The following CNTN3 variants were observed in gnomAD, a reference collection of about 807,000 sequenced individuals.
CNTN3 encodes the protein contactin-3.
In CNTN3, 60 loss-of-function variants were observed where a neutral mutation model predicts 119.1. The observed-to-expected ratio is 0.50, with a 90% CI of 0.41 to 0.62. The LOEUF is 0.62. Ranked by LOEUF, CNTN3 falls within the 20% of genes least tolerant of loss-of-function variation. The pLI, the probability that CNTN3 is intolerant of heterozygous loss-of-function variation, is 0.00. For missense variants in CNTN3, 1,101 were observed against 1,242.4 expected (o/e 0.89, Z 1.71); for synonymous variants, 450 against 438.7 (o/e 1.03, Z -0.32).
intron 5 of CNTN3, among the ~76,000 whole-genome samples, chr3:74,383,785 C>T (rs115597622): frequency 1.2e-3 from 182 of 152,246 alleles, no homozygotes; most frequent in Middle Eastern, 0.01. Flanking sequence ...ACACCTGGCC[C>T]TTTTCATTTT....
intron 5 of CNTN3, among the ~76,000 whole-genome samples, chr3:74,389,109 A>AT (rs1704830193): frequency 6.6e-6 from 1 of 152,230 alleles, no homozygotes; most frequent in South Asian, 2.1e-4. Flanking sequence ...ATTAAAAACT[A>AT]CTGATCTTTA....
chr3:74,405,870 G>C (rs575673794), intron 5 of CNTN3, among the ~76,000 whole-genome samples: 86 of 152,086 alleles, frequency 5.7e-4, no homozygotes, highest in African/African-American at 2.0e-3. Context: ...ATAGATTCGT[G>C]GGTGACGTTC....
At chr3:74,443,489 C>A (rs1477413409) in intron 4 of CNTN3, among the ~76,000 whole-genome samples, 1 of 152,144 alleles carries the variant, frequency 6.6e-6, no homozygotes, top group East Asian at 1.9e-4. Context: ...TGGCTGCCCA[C>A]CAGCCTTAAG....
chr3:74,384,701 C>T (rs1704703678), intron 5 of CNTN3, among the ~76,000 whole-genome samples: 1 of 152,102 alleles, frequency 6.6e-6, no homozygotes, highest in South Asian at 2.1e-4. Context: ...CTGTCATTTA[C>T]ACTTTGGCAG....
chr3:74,501,858 T>A (rs1559635536), intron 2 of CNTN3, among the ~76,000 whole-genome samples: 1 of 151,930 alleles, frequency 6.6e-6, no homozygotes, highest in African/African-American at 2.4e-5. Context: ...GATTTTAAAA[T>A]TGCTACTAAC....
rs535294585 is a variant in CNTN3 at position 74,358,189 on chromosome 3, A to C, written c.1364+3701T>G. Among the ~76,000 whole-genome samples the C allele has an allele frequency of 9.1e-4, 138 of 152,328 alleles. 3 individuals are homozygous for C. The South Asian group carries it at 0.028, about 30-fold the overall frequency. On this transcript the variant is annotated intron_variant, in intron 11 of 22. Transcript: ENST00000263665. ...AAAACAAAATTCAAACCACAGATCT[A>C]AGGAGGATTGGAACACCATGGACCT... is the stretch of plus-strand genomic sequence containing the variant.
intron 5 of CNTN3, among the ~76,000 whole-genome samples, chr3:74,376,384 A>G (rs755742205): frequency 3.9e-5 from 6 of 152,142 alleles, no homozygotes; most frequent in Non-Finnish European, 7.4e-5. Flanking sequence ...TTACCTCCTG[A>G]GCTCTGCCTC....
chr3:74,521,251 A>G (rs1703538657), intron 1 of CNTN3, 59 bp from the exon 2 acceptor site: 2 of 436,560 alleles, frequency 4.6e-6, no homozygotes, highest in African/African-American at 2.1e-5. Flanking sequence ...TGCTTTAAAA[A>G]AGAGATTTTC....
At chr3:74,295,666 G>A (rs1702323697) in intron 18 of CNTN3, among the ~76,000 whole-genome samples, 1 of 152,182 alleles carries the variant, frequency 6.6e-6, no homozygotes, top group Non-Finnish European at 1.5e-5. Flanking sequence ...TAAACACTGA[G>A]TGAGTACCCT....
chr3:74,336,715 G>A, intron 11 of CNTN3, 57 bp from the exon 12 acceptor site: 5 of 1,357,488 alleles, frequency 3.7e-6, no homozygotes, highest in Admixed American at 2.1e-5. Flanking sequence ...TTTTCCAAAT[G>A]AATATACATA....
Position 74,298,063 on chromosome 3 carries a change from A to G in CNTN3, c.2295T>C (p.Asn765=), listed in dbSNP as rs750313291. The G allele has an allele frequency of 3.1e-6, 5 of 1,614,076 alleles. No individual in the cohort carries two copies. The highest frequency in any genetic ancestry group is 1.7e-5 in the Admixed American group (1 of 60,014). Residue 765 remains asparagine (N), a synonymous_variant, in exon 18 of 23, where the codon AAT becomes AAC. Coordinates refer to ENST00000263665, the MANE Select transcript of CNTN3 (RefSeq NM_020872.3). ...ATGGTGAATATGGCACGATGCTTTC[A>G]TTCCTAAAGACATATCTTGGGGTGT... ...SPDTPRYVFR[N]ESIVPYSPYE...
chr3:74,329,920 T>C (rs979415626), intron 13 of CNTN3, among the ~76,000 whole-genome samples: 1 of 152,134 alleles, frequency 6.6e-6, no homozygotes, highest in African/African-American at 2.4e-5. Flanking sequence ...GATATCTAGA[T>C]ACAGGCAAAA....
At chr3:74,327,817 T>C (rs1004045415) in intron 13 of CNTN3, among the ~76,000 whole-genome samples, 11 of 151,852 alleles carry the variant, frequency 7.2e-5, no homozygotes, top group African/African-American at 2.7e-4. Flanking sequence ...TGATAATTTA[T>C]ATTTCTGCAG....
At chr3:74,394,286 T>G (rs971540288) in intron 5 of CNTN3, among the ~76,000 whole-genome samples, 12 of 152,216 alleles carry the variant, frequency 7.9e-5, no homozygotes, top group Admixed American at 2.6e-4. Context: ...TAATATATAG[T>G]GAGTCTCAAT....
intron 5 of CNTN3, among the ~76,000 whole-genome samples, chr3:74,378,063 C>T (rs1704522507): frequency 6.6e-6 from 1 of 152,140 alleles, no homozygotes; most frequent in Admixed American, 6.5e-5. Flanking sequence ...GGAAGTCTGA[C>T]CTACTTTAAA....
At chr3:74,569,634 A>G in intron 1 of CNTN3, among the ~76,000 whole-genome samples, 1 of 152,214 alleles carries the variant, frequency 6.6e-6, no homozygotes, top group East Asian at 1.9e-4. Flanking sequence ...ATTTTTCTTA[A>G]GCTTTGTGTA....
At chr3:74,294,088 T>C (rs1439030178) in intron 19 of CNTN3, among the ~76,000 whole-genome samples, 3 of 152,148 alleles carry the variant, frequency 2.0e-5, no homozygotes, top group Non-Finnish European at 4.4e-5. Flanking sequence ...TGGAGGGGTA[T>C]GTGGCCCTGT....
intron 5 of CNTN3, among the ~76,000 whole-genome samples, chr3:74,418,671 C>A (rs1701567395): frequency 6.6e-6 from 1 of 151,810 alleles, no homozygotes; most frequent in African/African-American, 2.4e-5. Flanking sequence ...CCAAATAAAA[C>A]ATCAAATTTA....
Position 74,305,079 on chromosome 3 carries a change from G to A in CNTN3, c.1669-2272C>T, listed in dbSNP as rs371905471. On this transcript the variant is annotated intron_variant, in intron 13 of 22. Transcript: ENST00000263665. ...TATGTTAGATTCATTCAAGGACACA[G>A]AAGTGTTTAACACATGGCCCATGCT... Among the ~76,000 whole-genome samples, 916 of 152,326 alleles carry A rather than the reference G, an allele frequency of 6.0e-3. 5 individuals carry two copies. Among genetic ancestry groups the A allele is most frequent in the Non-Finnish European group, 9.2e-3 (626 of 68,032 alleles).
Sources: allele counts gnomAD v4.1 joint callset (sites outside exome capture counted in the v4.1 genomes callset), GRCh38; gene constraint gnomAD v4.1.1; transcripts MANE v1.5; gene names NCBI Gene and HGNC (gene_info 2026-07-23, HGNC 2026-07-21).